The following C3orf20 variants were observed in gnomAD, a reference collection of about 807,000 sequenced individuals.
The protein encoded by C3orf20 is family with sequence similarity 149 member C, also known as uncharacterized protein C3orf20.
C3orf20 carries 76 observed loss-of-function variants against 88.3 expected under a neutral mutation model. The ratio of observed to expected loss-of-function variants is 0.86; its 90% CI spans 0.72 to 1.04. The LOEUF (loss-of-function observed/expected upper bound fraction) is 1.04. C3orf20 is among the 50% of genes least tolerant of loss of function. C3orf20 has a pLI of 0.00. For synonymous variants in C3orf20, 436 were observed against 437.4 expected, an observed-to-expected ratio of 1.00 and a Z score of 0.04; for missense variants, 1,056 against 1,123.3, an observed-to-expected ratio of 0.94 and a Z score of 0.86.
intron 7 of C3orf20, among the ~76,000 whole-genome samples, chr3:14,708,140 G>A (rs2033598744): frequency 1.3e-5 from 2 of 152,048 alleles, no homozygotes; most frequent in Admixed American, 1.3e-4. Context: ...TTTCTTCTAA[G>A]AGGTTTATAC....
Position 14,682,992 on chromosome 3 carries a change from G to A in C3orf20, c.279G>A (p.Lys93=), listed in dbSNP as rs1445779982. Residue 93 remains lysine, a synonymous_variant, in exon 3 of 17, where the codon AAG becomes AAA. Coordinates refer to ENST00000253697, the MANE Select transcript of C3orf20 (RefSeq NM_032137.5). ...PTFVQVPTLK[K]PLPPPPPAPP... ...TTGTGCAGGTCCCCACACTGAAGAA[G>A]CCACTACCTCCACCACCACCAGCAC... The A allele has an allele frequency of 6.2e-7, 1 of 1,613,796 alleles. No homozygotes were observed. The highest frequency in any genetic ancestry group is 8.5e-7 in the Non-Finnish European group (1 of 1,179,834).
chr3:14,744,966 G>A (rs1169015081), intron 12 of C3orf20, among the ~76,000 whole-genome samples: 2 of 152,190 alleles, frequency 1.3e-5, no homozygotes, highest in African/African-American at 4.8e-5. Context: ...ATGTTCCTGT[G>A]AATAGCAAAT....
Position 14,757,669 on chromosome 3 carries a change from A to G in C3orf20, c.2239A>G (p.Ile747Val). The G allele has an allele frequency of 6.2e-7, 1 of 1,609,758 alleles. No individual in the cohort carries two copies. Among genetic ancestry groups the G allele is most frequent in the Non-Finnish European group, 8.5e-7 (1 of 1,177,108 alleles). The change falls in exon 13 of 17, where the codon ATC becomes GTC. Residue 747 changes from isoleucine to valine, a missense_variant. Physicochemically the swap from Ile to Val is conservative, Grantham distance 29 (BLOSUM62 3). Transcript: ENST00000253697. ...HQQRGRGSPC[I>V]QCRYDSYRLL... is the part of the protein sequence containing the mutation. ...GCAGCGGGGCCGTGGCTCCCCCTGC[A>G]TCCAGGTTGGTCTGGGCCCAGTGAG... is the stretch of plus-strand genomic sequence containing the variant.
intron 15 of C3orf20, among the ~76,000 whole-genome samples, chr3:14,762,686 T>C (rs1575163260): frequency 1.3e-5 from 2 of 152,296 alleles, no homozygotes; most frequent in South Asian, 4.1e-4. Flanking sequence ...AAGCAAATGA[T>C]GGGGCATGTG....
At chr3:14,702,417 C>G (rs138073759) in intron 5 of C3orf20, among the ~76,000 whole-genome samples, 1 of 151,280 alleles carries the variant, frequency 6.6e-6, no homozygotes, top group African/African-American at 2.4e-5. Flanking sequence ...CCTGGCTCCT[C>G]CAAATCTCAT....
At chr3:14,738,121 G>C (rs1451862467) in intron 12 of C3orf20, among the ~76,000 whole-genome samples, 1 of 143,330 alleles carries the variant, frequency 7.0e-6, no homozygotes, top group Non-Finnish European at 1.5e-5. Context: ...CCAAATTCCT[G>C]TTAAATGTTG....
chr3:14,725,575 AATAAG>A (rs2034317152), intron 10 of C3orf20, among the ~76,000 whole-genome samples: 1 of 152,186 alleles, frequency 6.6e-6, no homozygotes, highest in African/African-American at 2.4e-5. Flanking sequence ...CAAATAAATA[AATAAG>A]ATGAGTGCAG....
intron 12 of C3orf20, among the ~76,000 whole-genome samples, chr3:14,738,619 C>CGG (rs2034799226): frequency 1.4e-5 from 2 of 144,586 alleles, no homozygotes; most frequent in South Asian, 4.5e-4. Flanking sequence ...GCATGAGCCA[C>CGG]CATGCCCGGC....
chr3:14,744,332 T>C (rs1299012195), intron 12 of C3orf20, among the ~76,000 whole-genome samples: 1 of 151,964 alleles, frequency 6.6e-6, no homozygotes. Flanking sequence ...CCCAACAAGT[T>C]CCTCATCTCC....
rs2032181119 is a variant in C3orf20, at chr3:14,682,988, A to G, written c.275A>G (p.Lys92Arg). ...EPTFVQVPTLKKPLPPPPPAP... is the reference protein window; with the variant it reads ...EPTFVQVPTLRKPLPPPPPAP... ...ACCTTTGTGCAGGTCCCCACACTGA[A>G]GAAGCCACTACCTCCACCACCACCA... Residue 92 changes from lysine (K) to arginine (R), a missense_variant, in exon 3 of 17, where the codon AAG (lysine) becomes AGG (arginine). Transcript: ENST00000253697. 6.2e-7 allele frequency: 1 copy of G among 1,613,554 alleles called. No individual in the cohort carries two copies. Among genetic ancestry groups the G allele is most frequent in the African/African-American group, 1.3e-5 (1 of 74,878 alleles).
chr3:14,734,101 T>C (rs764367655), intron 12 of C3orf20, among the ~76,000 whole-genome samples: 4 of 152,244 alleles, frequency 2.6e-5, no homozygotes, highest in African/African-American at 4.8e-5. Context: ...TTTTCTTTTC[T>C]CCTTGATTAG....
chr3:14,772,330 C>A lies in C3orf20; in HGVS notation c.2630+129C>A. On this transcript the variant is annotated intron_variant, in intron 16 of 16. Transcript: ENST00000253697. The surrounding 1 kb of genome is among the most constrained non-coding windows in gnomAD (Gnocchi z 4.2). Reference sequence around the variant, plus strand: ...ATGTCCAACCATCGCTGACATCTAGCCCATGTAATCAACACAATATTGGGC... The same window carrying A: ...ATGTCCAACCATCGCTGACATCTAGACCATGTAATCAACACAATATTGGGC... The A allele has an allele frequency of 1.8e-6, 2 of 1,126,478 alleles. No homozygotes were observed. The highest frequency in any genetic ancestry group is 2.6e-6 in the Non-Finnish European group (2 of 780,454). 69.8% of individuals were successfully genotyped at this position (1,126,478 alleles called of 1,614,324 possible). A position where few individuals can be genotyped will look rare whatever the true frequency, so the allele number is the denominator to read the frequency against.
At chr3:14,727,054 T>C (rs1258472878) in intron 11 of C3orf20, 30 bp downstream of exon 11, 1 of 1,613,254 alleles carries the variant, frequency 6.2e-7, no homozygotes, top group Non-Finnish European at 8.5e-7. Flanking sequence ...GGCGAAGGCC[T>C]ATCTGTTGGC....
chr3:14,696,132 AT>A (rs1444173092), intron 5 of C3orf20, among the ~76,000 whole-genome samples: 1 of 115,388 alleles, frequency 8.7e-6, no homozygotes, highest in Non-Finnish European at 1.8e-5. Context: ...TTTTTTTTTT[AT>A]TTTTTGTGTA....
intron 5 of C3orf20, among the ~76,000 whole-genome samples, chr3:14,702,808 A>G (rs567500363): frequency 6.6e-6 from 1 of 152,272 alleles, no homozygotes; most frequent in East Asian, 1.9e-4. Context: ...TCATTTCACC[A>G]TTAACCCAAC....
intron 9 of C3orf20, among the ~76,000 whole-genome samples, chr3:14,718,093 A>T (rs2034005626): frequency 6.6e-6 from 1 of 152,044 alleles, no homozygotes; most frequent in South Asian, 2.1e-4. Context: ...AAATTTGGGG[A>T]ATCTTCTAAA....
At chr3:14,759,225 T>G (rs2035483569) in intron 13 of C3orf20, among the ~76,000 whole-genome samples, 2 of 152,160 alleles carry the variant, frequency 1.3e-5, no homozygotes, top group South Asian at 4.2e-4. Flanking sequence ...GCTAGAACAC[T>G]GGGTGTGGTT....
intron 8 of C3orf20, 51 bp from the exon 9 acceptor site, chr3:14,715,238 A>C (rs753678385): frequency 6.3e-7 from 1 of 1,592,108 alleles, no homozygotes; most frequent in African/African-American, 1.3e-5. Flanking sequence ...CGGTGATGAG[A>C]GCTTCCTTCA....
intron 15 of C3orf20, among the ~76,000 whole-genome samples, chr3:14,763,170 GA>G (rs2035606917): frequency 6.6e-6 from 1 of 152,202 alleles, no homozygotes; most frequent in South Asian, 2.1e-4. Context: ...GAGGCTGCAG[GA>G]AGATGCCAAA....
Sources: gnomAD v4.1 joint callset for allele counts (sites outside exome capture counted in the v4.1 genomes callset) on GRCh38, gnomAD v4.1.1 for gene constraint, Gnocchi (gnomAD v3.1) non-coding constraint, MANE v1.5 for transcripts, NCBI Gene and HGNC (gene_info 2026-07-23, HGNC 2026-07-21) for gene names.